The following PHGDH variants were observed in gnomAD, a reference collection of about 807,000 sequenced individuals.
The protein encoded by PHGDH is phosphoglycerate dehydrogenase, also known as D-3-phosphoglycerate dehydrogenase.
PHGDH carries 50 observed loss-of-function variants against 52.6 expected under a neutral mutation model. That is an observed-to-expected ratio of 0.95 (90% CI 0.76 to 1.20). The LOEUF (loss-of-function observed/expected upper bound fraction) is 1.20. PHGDH is among the 50% of genes most tolerant of loss of function. The pLI is 0.00. For missense variants in PHGDH, 630 were observed against 684.6 expected (o/e 0.92, Z 0.89); for synonymous variants, 271 against 280.5 (o/e 0.97, Z 0.34).
chr1:119,719,254 A>G (rs887088302), intron 1 of PHGDH, among the ~76,000 whole-genome samples: 4 of 152,200 alleles, frequency 2.6e-5, no homozygotes, highest in African/African-American at 9.6e-5. Context: ...CACCCAGGTC[A>G]TAATCAGTTT....
chr1:119,739,427 T>C (rs1234342353), intron 8 of PHGDH: 2 of 152,150 alleles, frequency 1.3e-5, no homozygotes, highest in Non-Finnish European at 2.9e-5. Flanking sequence ...CCAGGAGCCA[T>C]GCAGCAAGAA....
intron 1 of PHGDH, among the ~76,000 whole-genome samples, chr1:119,713,817 C>T (rs900601133): frequency 6.6e-5 from 10 of 152,078 alleles, no homozygotes; most frequent in Admixed American, 5.9e-4. Flanking sequence ...GTGCTTTCAC[C>T]TCTCTAAAGG....
chr1:119,733,448 C>T (rs1337731673), intron 5 of PHGDH, among the ~76,000 whole-genome samples: 2 of 151,238 alleles, frequency 1.3e-5, no homozygotes, highest in African/African-American at 4.9e-5. Context: ...CCAAGTGATC[C>T]TCCTGCCTCA....
At chr1:119,735,722 A>G (rs587629062) in intron 7 of PHGDH, among the ~76,000 whole-genome samples, 1 of 152,268 alleles carries the variant, frequency 6.6e-6, no homozygotes, top group South Asian at 2.1e-4. Context: ...TAACATATTG[A>G]CAAAGATAAA....
chr1:119,725,596 G>A (rs1651371684), intron 3 of PHGDH, among the ~76,000 whole-genome samples: 1 of 152,188 alleles, frequency 6.6e-6, no homozygotes, highest in Admixed American at 6.5e-5. Context: ...TTACCCATAA[G>A]ATCGTGCGCC....
chr1:119,738,834 A>G (rs1371966323), intron 8 of PHGDH, among the ~76,000 whole-genome samples: 1 of 152,102 alleles, frequency 6.6e-6, no homozygotes, highest in African/African-American at 2.4e-5. Context: ...TGAGAGGTGT[A>G]TGGGCTCTGC....
intron 1 of PHGDH, chr1:119,714,532 T>C (rs1375135292): frequency 6.6e-6 from 1 of 152,200 alleles, no homozygotes; most frequent in Non-Finnish European, 1.5e-5. Context: ...TGTTGTGTAG[T>C]TGTATGTGTG....
intron 10 of PHGDH, chr1:119,742,119 T>C (rs587720263): frequency 4.1e-5 from 24 of 584,932 alleles, no homozygotes; most frequent in Non-Finnish European, 6.8e-5. Flanking sequence ...GCTGTGGGAA[T>C]GGAGGCAGTA....
chr1:119,744,108 G>C lies in PHGDH; in HGVS notation c.*68G>C. ...AAACCCACCCACTGTGATCAATAGGGAGAGAAAATCCACATTCTTGGGCTG... is the reference window on the plus strand; with the variant it reads ...AAACCCACCCACTGTGATCAATAGGCAGAGAAAATCCACATTCTTGGGCTG... On this transcript the variant is annotated 3_prime_UTR_variant, in exon 12 of 12. Coordinates refer to ENST00000641023, the MANE Select transcript of PHGDH (RefSeq NM_006623.4). The C allele has an allele frequency of 3.4e-6, 5 of 1,461,180 alleles. 1 individual carries two copies. Among genetic ancestry groups the C allele is most frequent in the Non-Finnish European group, 4.8e-6 (5 of 1,041,318 alleles). 90.5% of individuals were successfully genotyped at this position (1,461,180 alleles called of 1,614,324 possible).
intron 3 of PHGDH, 188 bp from the exon 4 acceptor site, chr1:119,726,663 C>A: frequency 4.6e-6 from 3 of 645,736 alleles, no homozygotes; most frequent in Admixed American, 4.6e-5. Context: ...TAAGTCAGAT[C>A]TTGCCAAGGG....
chr1:119,740,801 G>T (rs970602052), intron 9 of PHGDH, among the ~76,000 whole-genome samples: 3 of 152,194 alleles, frequency 2.0e-5, no homozygotes, highest in Non-Finnish European at 2.9e-5. Context: ...ACGAGAGAGA[G>T]AGTTTCATGC....
chr1:119,729,073 G>C (rs1651576673), intron 5 of PHGDH, among the ~76,000 whole-genome samples: 1 of 152,134 alleles, frequency 6.6e-6, no homozygotes, highest in Non-Finnish European at 1.5e-5. Context: ...TCTCCCTCCT[G>C]CCTCCACTCC....
chr1:119,733,040 G>A (rs914925132), intron 5 of PHGDH, among the ~76,000 whole-genome samples: 4 of 152,194 alleles, frequency 2.6e-5, no homozygotes, highest in East Asian at 1.9e-4. Flanking sequence ...CCATCTCCTC[G>A]CCTGGACACT....
At chr1:119,736,653 CCAGCAAGGCACATCGA>C (rs1298768510) in intron 7 of PHGDH, among the ~76,000 whole-genome samples, 1 of 152,182 alleles carries the variant, frequency 6.6e-6, no homozygotes, top group Non-Finnish European at 1.5e-5. Flanking sequence ...TGCTAAAAGT[CCAGCAAGGCACATCGA>C]CAGCAAGTGC....
rs1162727679 is a variant in PHGDH at position 119,740,486 on chromosome 1, C to T, written c.1046C>T (p.Ser349Phe). 1.9e-6 allele frequency: 3 copies of T among 1,594,078 alleles called. No individual in the cohort carries two copies. The highest frequency in any genetic ancestry group is 2.3e-5 in the South Asian group (2 of 87,928). ...ACACTGATGCGAGCCTGGGCTGGGT[C>T]CCCCAAAGGGACCATCCAGGTGATA... Reference protein sequence around the residue: ...LGTLMRAWAGSPKGTIQVITQ... With the variant: ...LGTLMRAWAGFPKGTIQVITQ... Residue 349 changes from serine to phenylalanine, a missense_variant, in exon 9 of 12, where the codon TCC (serine) becomes TTC (phenylalanine). Physicochemically the swap from Ser to Phe is radical, Grantham distance 155. Transcript: ENST00000641023.
intron 9 of PHGDH, among the ~76,000 whole-genome samples, chr1:119,741,418 G>T (rs1652201858): frequency 6.6e-6 from 1 of 152,212 alleles, no homozygotes; most frequent in African/African-American, 2.4e-5. Context: ...GGCTCTGAGT[G>T]CCAGGAAGGG....
chr1:119,735,450 G>A lies in PHGDH; in HGVS notation c.792+7G>A, dbSNP rs774410126. ...ACTGGACGTGTTTACGGAAGTAAGT[G>A]CCTGGCAGCCTCAGCGTCAGGAGGA... On this transcript the variant is annotated splice_region_variant and intron_variant, in intron 7 of 11. Transcript: ENST00000641023. 2 of 1,611,160 alleles carry A rather than the reference G, an allele frequency of 1.2e-6. No homozygotes were observed. Among genetic ancestry groups the A allele is most frequent in the South Asian group, 1.1e-5 (1 of 91,072 alleles).
chr1:119,718,239 A>T (rs1651013297), intron 1 of PHGDH, among the ~76,000 whole-genome samples: 1 of 152,196 alleles, frequency 6.6e-6, no homozygotes, highest in Non-Finnish European at 1.5e-5. Context: ...AACTCAACAG[A>T]TTTGGACTTG....
chr1:119,743,009 A>C lies in PHGDH; in HGVS notation c.1412A>C (p.Gln471Pro), dbSNP rs1308996220. Residue 471 changes from glutamine (Q) to proline (P), a missense_variant, in exon 11 of 12, where the codon CAG becomes CCG. By Grantham distance (76) the Gln-to-Pro change is moderately conservative. Coordinates refer to ENST00000641023, the MANE Select transcript of PHGDH (RefSeq NM_006623.4). ...RDLPLLLFRT[Q>P]TSDPAMLPTM... Reference sequence around the variant, plus strand: ...CTGCCCCTGCTCCTATTCCGGACTCAGACCTCTGACCCTGCAATGCTGCCT... The same window carrying C: ...CTGCCCCTGCTCCTATTCCGGACTCCGACCTCTGACCCTGCAATGCTGCCT... 6.2e-7 allele frequency: 1 copy of C among 1,613,588 alleles called. No individual in the cohort carries two copies. The highest frequency in any genetic ancestry group is 1.3e-5 in the African/African-American group (1 of 75,048).
Sources: gnomAD v4.1 joint callset for allele counts (sites outside exome capture counted in the v4.1 genomes callset) on GRCh38, gnomAD v4.1.1 for gene constraint, MANE v1.5 for transcripts, NCBI Gene and HGNC (gene_info 2026-07-23, HGNC 2026-07-21) for gene names.